Variants in FAM193A observed in about 807,000 individuals in gnomAD.
FAM193A encodes protein FAM193A.
A neutral mutation model predicts 126.5 loss-of-function variants in FAM193A; 22 were observed. The ratio of observed to expected loss-of-function variants is 0.17; its 90% CI spans 0.12 to 0.25. The LOEUF (loss-of-function observed/expected upper bound fraction) is 0.25. Among genes scored for constraint, FAM193A ranks in the 10% least tolerant of loss-of-function variants. The pLI, the probability that FAM193A is intolerant of heterozygous loss-of-function variation, is 1.00. For synonymous variants in FAM193A, 761 were observed against 646.8 expected (o/e 1.18, Z -2.68); for missense variants, 1,675 against 1,672.8 (o/e 1.00, Z -0.02).
At position 2,639,862 on chromosome 4, in the gene FAM193A, A is replaced by G. The variant is rs766120384; in HGVS notation, c.1163+3A>G. 1 of 1,613,390 alleles carries G rather than the reference A, an allele frequency of 6.2e-7. No individual in the cohort carries two copies. The highest frequency in any genetic ancestry group is 1.7e-5 in the Admixed American group (1 of 59,878). On this transcript the variant is annotated splice_donor_region_variant and intron_variant, in intron 6 of 20. Transcript: ENST00000637812. ...CCCGCACTGGTGTCACAGATCAGGT[A>G]TTTTGCCTTAACCCGTATGTGTCTT... is the stretch of plus-strand genomic sequence containing the variant.
intron 2 of FAM193A, chr4:2,607,890 G>T: frequency 2.3e-6 from 2 of 875,346 alleles, no homozygotes; most frequent in Non-Finnish European, 3.5e-6. Context: ...GATATTGCCT[G>T]TTTCTTTTTT....
Position 2,647,525 on chromosome 4 carries a change from C to T in FAM193A, c.1311+693C>T, listed in dbSNP as rs148539748. 1.1e-3 allele frequency among the ~76,000 whole-genome samples: 166 copies of T among 152,242 alleles called. 4 individuals carry two copies. The South Asian group carries it at 0.014, about 13-fold the overall frequency. ...GAGCTCATTGTCCATCTGTCCTAGT[C>T]TAGAAGGGAGTGCAGACACATGCAC... On this transcript the variant is annotated intron_variant, in intron 7 of 20. Transcript: ENST00000637812.
At position 2,693,695 on chromosome 4, in the gene FAM193A, G is replaced by A. The variant is rs1229677461; in HGVS notation, c.2913G>A (p.Ala971=). 1.1e-5 allele frequency: 17 copies of A among 1,613,996 alleles called. No individual in the cohort carries two copies. Among genetic ancestry groups the A allele is most frequent in the South Asian group, 5.5e-5 (5 of 91,086 alleles). ...LAPLPALSPA[A]LSPAALSPAS... ...CCCTCCCAGCGCTCTCGCCTGCTGCGCTGTCACCTGCTGCGCTCTCACCTG... is the reference window on the plus strand; with the variant it reads ...CCCTCCCAGCGCTCTCGCCTGCTGCACTGTCACCTGCTGCGCTCTCACCTG... Residue 971 remains alanine, a synonymous_variant, in exon 16 of 21, where the codon GCG becomes GCA. Transcript: ENST00000637812.
intron 1 of FAM193A, among the ~76,000 whole-genome samples, chr4:2,553,278 A>G (rs1358504576): frequency 5.3e-5 from 8 of 152,060 alleles, no homozygotes; most frequent in African/African-American, 1.7e-4. Context: ...GTAATGCGCG[A>G]TGATAGGACC....
intron 14 of FAM193A, 41 bp downstream of exon 14, chr4:2,689,745 C>A: frequency 7.1e-7 from 1 of 1,398,896 alleles, no homozygotes. Context: ...TTTAAAATAA[C>A]CTGAGTAGAC....
chr4:2,598,691 G>A (rs1228120207), intron 2 of FAM193A, among the ~76,000 whole-genome samples: 4 of 152,240 alleles, frequency 2.6e-5, no homozygotes, highest in East Asian at 1.9e-4. Flanking sequence ...ATGCCAGACA[G>A]TGTGCAGAGA....
chr4:2,646,250 A>T (rs1330614307), intron 6 of FAM193A, among the ~76,000 whole-genome samples: 2 of 136,908 alleles, frequency 1.5e-5, no homozygotes, highest in African/African-American at 5.5e-5. Context: ...GCTCACTGCA[A>T]CCTCCGCCTC....
chr4:2,709,106 G>A (rs576130076), intron 19 of FAM193A, among the ~76,000 whole-genome samples: 1 of 152,170 alleles, frequency 6.6e-6, no homozygotes, highest in East Asian at 1.9e-4. Context: ...TTTTTCATTA[G>A]GAATGGGTGT....
In FAM193A at chr4:2,625,408, T is replaced by C; in HGVS notation, c.635+13T>C. 1.4e-6 allele frequency: 1 copy of C among 696,404 alleles called. No individual in the cohort carries two copies. The highest frequency in any genetic ancestry group is 2.6e-6 in the Non-Finnish European group (1 of 380,330). The allele number at this position is 696,404 out of a possible 1,614,324, so 43.1% of individuals were successfully genotyped here. A position where few individuals can be genotyped will look rare whatever the true frequency, so the allele number is the denominator to read the frequency against. ...GCAGTGAGCGCAGGTATGTGACGTG[T>C]GTGCCACGTTGCTCACACCTGTCCA... On this transcript the variant is annotated intron_variant, in intron 3 of 20. Coordinates refer to ENST00000637812, the MANE Select transcript of FAM193A (RefSeq NM_001366318.2).
At chr4:2,574,191 C>T (rs1739451042) in intron 1 of FAM193A, among the ~76,000 whole-genome samples, 2 of 151,708 alleles carry the variant, frequency 1.3e-5, no homozygotes, top group South Asian at 4.2e-4. Flanking sequence ...TGTGGGGTGT[C>T]TGATGGGGGC....
At chr4:2,625,220 AT>A in intron 2 of FAM193A, 41 bp from the exon 3 acceptor site, 1 of 646,562 alleles carries the variant, frequency 1.5e-6, no homozygotes, top group Non-Finnish European at 2.8e-6. Flanking sequence ...TGCCGTGAAC[AT>A]TTTAACATAA....
chr4:2,674,510 G>C (rs549922651), intron 13 of FAM193A, among the ~76,000 whole-genome samples: 51 of 152,196 alleles, frequency 3.4e-4, no homozygotes, highest in Non-Finnish European at 6.0e-4. Flanking sequence ...GGTGCTGAAC[G>C]TGGAGGGGGC....
upstream of FAM193A, among the ~76,000 whole-genome samples, chr4:2,536,140 GGGCGGCGGACA>G (rs1216186954): frequency 6.6e-6 from 1 of 151,556 alleles, no homozygotes; most frequent in Non-Finnish European, 1.5e-5. Context: ...TGCGGCACCT[GGGCGGCGGACA>G]GGGGCGCGGG....
At chr4:2,608,904 T>TC (rs1741697584) in intron 2 of FAM193A, among the ~76,000 whole-genome samples, 1 of 151,390 alleles carries the variant, frequency 6.6e-6, no homozygotes, top group African/African-American at 2.4e-5. Flanking sequence ...TTTTTTTTTT[T>TC]TTTTGAGACA....
chr4:2,732,060 G>A lies in FAM193A; in HGVS notation c.*192G>A, dbSNP rs577242420. 3.2e-5 allele frequency: 19 copies of A among 602,684 alleles called. No homozygotes were observed. Among genetic ancestry groups the A allele is most frequent in the Non-Finnish European group, 5.4e-5 (18 of 335,878 alleles). The allele number at this position is 602,684 out of a possible 1,614,324, so 37.3% of individuals were successfully genotyped here. A position where few individuals can be genotyped will look rare whatever the true frequency, so the allele number is the denominator to read the frequency against. On this transcript the variant is annotated 3_prime_UTR_variant, in exon 21 of 21. Transcript: ENST00000637812. ...TAGCTCGTGTGCGTGTAGTCTGTGCGTGAGACTCCTTCGATTGTAGCTCTG... is the reference window on the plus strand; with the variant it reads ...TAGCTCGTGTGCGTGTAGTCTGTGCATGAGACTCCTTCGATTGTAGCTCTG...
At chr4:2,567,762 C>T (rs1197832088) in intron 1 of FAM193A, among the ~76,000 whole-genome samples, 6 of 152,176 alleles carry the variant, frequency 3.9e-5, no homozygotes, top group African/African-American at 9.7e-5. Flanking sequence ...TGAACAGGCA[C>T]GGTTGTGTAG....
chr4:2,697,873 C>T (rs1253042499), intron 18 of FAM193A, among the ~76,000 whole-genome samples: 1 of 152,198 alleles, frequency 6.6e-6, no homozygotes, highest in Non-Finnish European at 1.5e-5. Context: ...GTCCAAGGCC[C>T]TGAGACGTCC....
rs565403752 is a variant in FAM193A at position 2,661,706 on chromosome 4, G to A, written c.1746-1132G>A. On this transcript the variant is annotated intron_variant, in intron 10 of 20. Transcript: ENST00000637812. ...CACTCATTCTAGGAAGTGAGATCAC[G>A]ACGAGTTCCTAGGGTTTTGCCTTCT... is the stretch of plus-strand genomic sequence containing the variant. Among the ~76,000 whole-genome samples, 6 of 152,280 alleles carry A rather than the reference G, an allele frequency of 3.9e-5. No homozygotes were observed. In the South Asian group the frequency reaches 6.2e-4, roughly 16 times the overall value.
intron 4 of FAM193A, among the ~76,000 whole-genome samples, chr4:2,629,960 G>A (rs934490513): frequency 3.9e-5 from 6 of 151,926 alleles, no homozygotes; most frequent in South Asian, 2.1e-4. Flanking sequence ...GTGAAACCCC[G>A]TCTCTACTAA....
Sources: allele counts gnomAD v4.1 joint callset (sites outside exome capture counted in the v4.1 genomes callset), GRCh38; gene constraint gnomAD v4.1.1; transcripts MANE v1.5; gene names NCBI Gene and HGNC (gene_info 2026-07-23, HGNC 2026-07-21).